The following HSF5 variants were observed in gnomAD, a reference collection of about 807,000 sequenced individuals.
The protein encoded by HSF5 is heat shock factor protein 5.
HSF5 carries 5 observed loss-of-function variants against 50.8 expected under a neutral mutation model. That is an observed-to-expected ratio of 0.10 (90% confidence interval 0.05 to 0.21). HSF5 has a LOEUF of 0.21. Among genes scored for constraint, HSF5 ranks in the 10% least tolerant of loss-of-function variants. HSF5 has a pLI of 1.00. For missense variants in HSF5, 564 were observed against 762.6 expected, an observed-to-expected ratio of 0.74 and a Z score of 3.07; for synonymous variants, 307 against 307.4, an observed-to-expected ratio of 1.00 and a Z score of 0.02.
chr17:58,435,856 G>A (rs950559894), intron 5 of HSF5, among the ~76,000 whole-genome samples: 4 of 136,216 alleles, frequency 2.9e-5, no homozygotes, highest in Non-Finnish European at 6.0e-5. Flanking sequence ...CCAAGATCAC[G>A]CCACTGCACC....
chr17:58,460,553 AGG>A (rs1974780667), intron 4 of HSF5, among the ~76,000 whole-genome samples: 1 of 148,212 alleles, frequency 6.7e-6, no homozygotes, highest in South Asian at 2.1e-4. Context: ...TCTGTCGCCC[AGG>A]CTGGAGTGCA....
intron 2 of HSF5, among the ~76,000 whole-genome samples, chr17:58,472,406 T>A (rs979405118): frequency 6.6e-6 from 1 of 152,064 alleles, no homozygotes; most frequent in Non-Finnish European, 1.5e-5. Context: ...AGACCAGGAG[T>A]TCAGGCTGCA....
At chr17:58,473,953 T>C (rs1272101580) in intron 2 of HSF5, among the ~76,000 whole-genome samples, 1 of 151,970 alleles carries the variant, frequency 6.6e-6, no homozygotes, top group Non-Finnish European at 1.5e-5. Context: ...TCAAGCAATC[T>C]TCCCACCTCA....
chr17:58,461,408 A>G (rs1425220159), intron 4 of HSF5, among the ~76,000 whole-genome samples: 2 of 152,190 alleles, frequency 1.3e-5, no homozygotes, highest in Non-Finnish European at 2.9e-5. Flanking sequence ...AAAGGCTGCA[A>G]AAAACAAAAA....
At chr17:58,457,261 GA>G (rs1014085347) in intron 5 of HSF5, among the ~76,000 whole-genome samples, 8 of 119,298 alleles carry the variant, frequency 6.7e-5, no homozygotes, top group Admixed American at 8.8e-5. Flanking sequence ...CTCTGTCTCA[GA>G]AAAAAAAAAT....
At chr17:58,453,199 A>G (rs1304108799) in intron 5 of HSF5, among the ~76,000 whole-genome samples, 1 of 152,242 alleles carries the variant, frequency 6.6e-6, no homozygotes, top group Non-Finnish European at 1.5e-5. Flanking sequence ...TAAGGCCAGC[A>G]TTACCCTAAT....
rs151298494 is a variant in HSF5, at chr17:58,425,127, G to A, written c.1721-2697C>T. On this transcript the variant is annotated intron_variant, in intron 5 of 5. Transcript: ENST00000323777. ...AAATGGTTACAATGAGGCCGGGTGC[G>A]GTGGCTCATGCCTGTAATCCCAGTA... 7.9e-5 allele frequency among the ~76,000 whole-genome samples: 12 copies of A among 152,202 alleles called. 1 individual carries two copies. The East Asian group carries it at 2.1e-3, about 27-fold the overall frequency.
intron 4 of HSF5, among the ~76,000 whole-genome samples, chr17:58,460,510 C>CACACACACACACACACAT: frequency 7.3e-6 from 1 of 137,316 alleles, no homozygotes; most frequent in Admixed American, 7.4e-5. Flanking sequence ...CACACACACA[C>CACACACACACACACACAT]ATACTTTTTT....
chr17:58,487,861 C>T lies in HSF5; in HGVS notation c.414G>A (p.Leu138=), dbSNP rs371506543. Residue 138 remains leucine, a synonymous_variant, in exon 1 of 6, where the codon CTG becomes CTA. Coordinates refer to ENST00000323777, the MANE Select transcript of HSF5 (RefSeq NM_001080439.3). ...KRLTSANKAK[L]AAGLEVPCRP... is the part of the protein sequence containing the mutation. ...GGCAGGGCACCTCCAGGCCGGCCGCCAGCTTGGCCTTGTTGGCGCTGGTGA... is the reference window on the plus strand; with the variant it reads ...GGCAGGGCACCTCCAGGCCGGCCGCTAGCTTGGCCTTGTTGGCGCTGGTGA... 7 of 1,599,792 alleles carry T rather than the reference C, an allele frequency of 4.4e-6. No individual in the cohort carries two copies. Among genetic ancestry groups the T allele is most frequent in the East Asian group, 4.5e-5 (2 of 44,086 alleles).
chr17:58,488,115 G>C lies in HSF5; in HGVS notation c.160C>G (p.Pro54Ala). The change falls in exon 1 of 6, where the codon CCC (proline) becomes GCC (alanine). Residue 54 changes from proline (P) to alanine (A), a missense_variant. By Grantham distance (27) the Pro-to-Ala change is conservative. Transcript: ENST00000323777. This position sits in a 1 kb window ranked among gnomAD's most constrained non-coding sequence, Gnocchi z 4.1. ...PLFEAELLSP[P>A]GPGGGGGTAG... ...GTCCCGCCACCGCCCCCCGGCCCGG[G>C]CGGGCTGAGCAGCTCGGCCTCGAAG... 6.4e-7 allele frequency: 1 copy of C among 1,572,814 alleles called. No homozygotes were observed. The highest frequency in any genetic ancestry group is 1.1e-5 in the South Asian group (1 of 88,180).
At chr17:58,422,471 T>C (rs76774678) in intron 5 of HSF5, 41 bp from the exon 6 acceptor site, 80,491 of 1,504,368 alleles carry the variant, frequency 0.054, 2,568 homozygotes, top group Non-Finnish European at 0.063. Context: ...AGCCTCTCTG[T>C]AGAGTTCTAT....
At chr17:58,431,291 T>C (rs1974362061) in intron 5 of HSF5, among the ~76,000 whole-genome samples, 1 of 152,220 alleles carries the variant, frequency 6.6e-6, no homozygotes, top group African/African-American at 2.4e-5. Context: ...CAAGGCTATA[T>C]GGTATAGCCT....
At chr17:58,440,450 C>A (rs1314500169) in intron 5 of HSF5, among the ~76,000 whole-genome samples, 2 of 152,180 alleles carry the variant, frequency 1.3e-5, no homozygotes, top group Non-Finnish European at 2.9e-5. Flanking sequence ...CCAGTGACCC[C>A]AATTGCCTGG....
chr17:58,455,860 G>A (rs1241585667), intron 5 of HSF5, among the ~76,000 whole-genome samples: 1 of 151,956 alleles, frequency 6.6e-6, no homozygotes, highest in Non-Finnish European at 1.5e-5. Flanking sequence ...GCAGAGAAAA[G>A]GGAACTCTTA....
At chr17:58,426,811 A>G (rs1974300952) in intron 5 of HSF5, among the ~76,000 whole-genome samples, 1 of 152,220 alleles carries the variant, frequency 6.6e-6, no homozygotes, top group Non-Finnish European at 1.5e-5. Context: ...TTTTTTATTT[A>G]AAAGTTATTT....
chr17:58,474,133 T>G (rs1974982398), intron 2 of HSF5, among the ~76,000 whole-genome samples: 1 of 152,236 alleles, frequency 6.6e-6, no homozygotes, highest in African/African-American at 2.4e-5. Flanking sequence ...GTAAAGTCAT[T>G]TGTAATACTC....
intron 5 of HSF5, among the ~76,000 whole-genome samples, chr17:58,434,062 T>C (rs1453979999): frequency 6.6e-6 from 1 of 151,536 alleles, no homozygotes; most frequent in Non-Finnish European, 1.5e-5. Flanking sequence ...TACAGGCGCA[T>C]GCCACCCCGC....
At chr17:58,474,119 T>A (rs1292300366) in intron 2 of HSF5, among the ~76,000 whole-genome samples, 1 of 152,158 alleles carries the variant, frequency 6.6e-6, no homozygotes, top group African/African-American at 2.4e-5. Context: ...TCTATTTAAT[T>A]TTGGTAAAGT....
Position 58,477,522 on chromosome 17 carries a change from C to T in HSF5, c.925+2371G>A, listed in dbSNP as rs1388355606. 3.3e-5 allele frequency among the ~76,000 whole-genome samples: 5 copies of T among 149,930 alleles called. No homozygotes were observed. In the South Asian group the frequency reaches 6.3e-4, roughly 19 times the overall value. The stretch of plus-strand genomic sequence containing the variant: ...TCGCCCAGGCTGGAGTGCAGTGGCG[C>T]GATCTCGGCTCACTGCAAGTTCCGC... On this transcript the variant is annotated intron_variant, in intron 2 of 5. Coordinates refer to ENST00000323777, the MANE Select transcript of HSF5 (RefSeq NM_001080439.3).
Sources: gnomAD v4.1 joint callset for allele counts (sites outside exome capture counted in the v4.1 genomes callset) on GRCh38, gnomAD v4.1.1 for gene constraint, Gnocchi (gnomAD v3.1) non-coding constraint, MANE v1.5 for transcripts, NCBI Gene and HGNC (gene_info 2026-07-23, HGNC 2026-07-21) for gene names.